SMIM36: variants seen among roughly 807,000 people sequenced by gnomAD.
SMIM36 encodes small integral membrane protein 36.
chr17:55,511,836 A>G (rs1367514132), upstream of SMIM36, among the ~76,000 whole-genome samples: 2 of 152,218 alleles, frequency 1.3e-5, no homozygotes, highest in Non-Finnish European at 2.9e-5. Flanking sequence ...TGATTCTTCA[A>G]CAAGAAGAAG....
chr17:55,453,263 G>A (rs1908956887), intron 4 of SMIM36, among the ~76,000 whole-genome samples: 1 of 151,572 alleles, frequency 6.6e-6, no homozygotes, highest in Admixed American at 6.6e-5. Context: ...GCTGCAGTGA[G>A]CTATGATCAA....
At chr17:55,519,378 C>T in the SMIM36 span, among the ~76,000 whole-genome samples, 3 of 151,860 alleles carry the variant, frequency 2.0e-5, no homozygotes, top group South Asian at 4.2e-4. Context: ...TGGAATGTGG[C>T]GGGAAATTGT....
chr17:55,477,246 G>A (rs968001473), intron 3 of SMIM36: 5 of 152,222 alleles, frequency 3.3e-5, no homozygotes, highest in Non-Finnish European at 7.3e-5. Context: ...TTGTTTCATA[G>A]TTATGGAGGC....
Position 55,511,111 on chromosome 17 carries a change from C to T in SMIM36, c.224G>A (p.Gly75Glu), listed in dbSNP as rs573688303. The T allele has an allele frequency of 2.0e-3, 786 of 398,562 alleles. 4 individuals carry two copies. Among genetic ancestry groups the T allele is most frequent in the African/African-American group, 0.015 (711 of 48,694 alleles). 24.7% of individuals were successfully genotyped at this position (398,562 alleles called of 1,614,324 possible). The change falls in exon 1 of 5, where the codon GGG (glycine) becomes GAG (glutamate). Residue 75 changes from glycine (G) to glutamate (E), a missense_variant. By Grantham distance (98) the Gly-to-Glu change is moderately conservative. Coordinates refer to ENST00000636752, the Ensembl canonical transcript of SMIM36. ...AGGATCCCCCAAAGAAAGGCCAGGCCCCTTTGGCCAGTGGGGCCCAGCGAC... is the reference window on the plus strand; with the variant it reads ...AGGATCCCCCAAAGAAAGGCCAGGCTCCTTTGGCCAGTGGGGCCCAGCGAC...
intron 1 of SMIM36, among the ~76,000 whole-genome samples, chr17:55,505,983 C>G (rs1239382086): frequency 1.4e-5 from 1 of 70,390 alleles, no homozygotes; most frequent in Non-Finnish European, 2.2e-5. Flanking sequence ...ACAATTGCTT[C>G]AAAGAGAATA....
intron 1 of SMIM36, among the ~76,000 whole-genome samples, chr17:55,497,653 GA>G (rs1909832958): frequency 6.6e-6 from 1 of 152,042 alleles, no homozygotes; most frequent in Non-Finnish European, 1.5e-5. Flanking sequence ...TTGAACCCAG[GA>G]GTTCAAGACC....
the SMIM36 span, among the ~76,000 whole-genome samples, chr17:55,530,850 G>A: frequency 3.9e-5 from 6 of 152,244 alleles, no homozygotes; most frequent in South Asian, 4.2e-4. Flanking sequence ...AATTGTCTGC[G>A]GGGAATGAGG....
intron 4 of SMIM36, among the ~76,000 whole-genome samples, chr17:55,466,701 G>A (rs2143249937): frequency 6.6e-6 from 1 of 152,254 alleles, no homozygotes; most frequent in Non-Finnish European, 1.5e-5. Flanking sequence ...GCAGGAGGAG[G>A]AGCTTTCATT....
chr17:55,476,274 T>A (rs1909424618), intron 3 of SMIM36, among the ~76,000 whole-genome samples: 1 of 152,162 alleles, frequency 6.6e-6, no homozygotes, highest in Non-Finnish European at 1.5e-5. Flanking sequence ...ACATTCCTTC[T>A]CCTGGACAGT....
chr17:55,525,919 A>C, the SMIM36 span, among the ~76,000 whole-genome samples: 250 of 152,238 alleles, frequency 1.6e-3, 4 homozygotes, highest in South Asian at 0.023. Context: ...CGACTTCTCA[A>C]ACTGCTGGGA....
intron 1 of SMIM36, among the ~76,000 whole-genome samples, chr17:55,508,688 C>T (rs568458822): frequency 8.6e-4 from 130 of 151,364 alleles, no homozygotes; most frequent in Non-Finnish European, 1.6e-3. Flanking sequence ...TTTGGGAGGC[C>T]GAGGTGGGCG....
chr17:55,488,520 C>T (rs8068248), intron 1 of SMIM36, among the ~76,000 whole-genome samples: 119,693 of 152,146 alleles, frequency 0.79, 47,548 homozygotes, highest in Non-Finnish European at 0.82. Flanking sequence ...TTTGTAGCCA[C>T]GGGATCATAT....
the SMIM36 span, among the ~76,000 whole-genome samples, chr17:55,525,086 G>A: frequency 6.6e-6 from 1 of 152,186 alleles, no homozygotes; most frequent in Non-Finnish European, 1.5e-5. Flanking sequence ...CAGTGGCAAT[G>A]GAGCCTGCAC....
the SMIM36 span, among the ~76,000 whole-genome samples, chr17:55,524,332 A>G: frequency 1.0e-3 from 159 of 152,322 alleles, 1 homozygote; most frequent in African/African-American, 3.6e-3. Context: ...ATCGATGGAC[A>G]TTAGGGTGAT....
At chr17:55,490,875 G>A (rs2144708365) in intron 1 of SMIM36, among the ~76,000 whole-genome samples, 1 of 135,770 alleles carries the variant, frequency 7.4e-6, no homozygotes, top group African/African-American at 2.5e-5. Context: ...GGGATTATGG[G>A]TGATTTCCAT....
In SMIM36 at chr17:55,450,312, GA is replaced by G. The variant is rs3834580; in HGVS notation, c.*532-15del. 2,623 of 152,042 alleles carry G rather than the reference GA, an allele frequency of 0.017. 72 individuals are homozygous for G. The highest frequency in any genetic ancestry group is 0.058 in the African/African-American group (2,390 of 41,488). 9.4% of individuals were successfully genotyped at this position (152,042 alleles called of 1,614,324 possible). ...TACTCCTGGCTTCTAGAATATGAAA[GA>G]AAAAAAATTTCTGTTGTTTTAAGAC... On this transcript the variant is annotated splice_polypyrimidine_tract_variant and intron_variant, in intron 4 of 4. Coordinates refer to ENST00000636752, the Ensembl canonical transcript of SMIM36.
intron 4 of SMIM36, among the ~76,000 whole-genome samples, chr17:55,455,833 A>G (rs989239503): frequency 1.3e-5 from 2 of 151,322 alleles, no homozygotes; most frequent in African/African-American, 4.9e-5. Context: ...AACAAAAAAA[A>G]CATGCTGGGT....
At chr17:55,523,096 C>T in the SMIM36 span, among the ~76,000 whole-genome samples, 3 of 152,126 alleles carry the variant, frequency 2.0e-5, no homozygotes, top group East Asian at 5.8e-4. Flanking sequence ...TATTGAATCC[C>T]TAACCTCAGA....
At chr17:55,519,778 C>T in the SMIM36 span, among the ~76,000 whole-genome samples, 1 of 152,128 alleles carries the variant, frequency 6.6e-6, no homozygotes, top group Non-Finnish European at 1.5e-5. Context: ...ACATGTCCTT[C>T]ACTGATGTAT....
Sources: allele counts gnomAD v4.1 joint callset (sites outside exome capture counted in the v4.1 genomes callset), GRCh38; gene constraint gnomAD v4.1.1; transcripts MANE v1.5; gene names NCBI Gene and HGNC (gene_info 2026-07-23, HGNC 2026-07-21).